Variants in TET2 observed in about 807,000 individuals in gnomAD.
TET2 encodes tet methylcytosine dioxygenase 2.
A neutral mutation model predicts 142.9 loss-of-function variants in TET2; 299 were observed. That is an observed-to-expected ratio of 2.09 (90% CI 1.90 to 2.30). The LOEUF is 2.30. Ranked by LOEUF, TET2 falls within the 30% of genes most tolerant of loss-of-function variation. The pLI is 0.00. For missense variants in TET2, 2,418 were observed against 2,378.0 expected, an observed-to-expected ratio of 1.02 and a Z score of -0.35; for synonymous variants, 819 against 849.0, an observed-to-expected ratio of 0.96 and a Z score of 0.61.
chr4:105,274,769 C>G (rs2110310165), intron 10 of TET2, among the ~76,000 whole-genome samples: 1 of 152,138 alleles, frequency 6.6e-6, no homozygotes, highest in Non-Finnish European at 1.5e-5. Flanking sequence ...CAAGCAGAGG[C>G]ATGTTCAGAA....
At chr4:105,210,311 A>G (rs1306395997) in intron 2 of TET2, among the ~76,000 whole-genome samples, 2 of 152,140 alleles carry the variant, frequency 1.3e-5, no homozygotes, top group Non-Finnish European at 2.9e-5. Flanking sequence ...CTTCCTGGCC[A>G]TCTCTTGGGT....
chr4:105,145,913 G>C (rs776741323), upstream of TET2: 6 of 152,138 alleles, frequency 3.9e-5, no homozygotes, highest in African/African-American at 1.4e-4. Flanking sequence ...AACAGAACTC[G>C]GTCAATTTCC....
rs771632437 is a variant in TET2, at chr4:105,234,143, G to A, written c.201G>A (p.Lys67=). The change falls in exon 3 of 11, where the codon AAG becomes AAA. Residue 67 remains lysine, a synonymous_variant. Coordinates refer to ENST00000380013, the MANE Select transcript of TET2 (RefSeq NM_001127208.3). ...FKSYYGIPCM[K]GSQNSRVSPD... Reference sequence around the variant, plus strand: ...GTTATTATGGAATACCCTGTATGAAGGGAAGCCAGAATAGTCGTGTGAGTC... The same window carrying A: ...GTTATTATGGAATACCCTGTATGAAAGGAAGCCAGAATAGTCGTGTGAGTC... The A allele has an allele frequency of 1.9e-6, 3 of 1,614,186 alleles. No homozygotes were observed. The Admixed American group carries it at 5.0e-5, about 27-fold the overall frequency.
At chr4:105,149,433 T>C (rs1723195437) in intron 1 of TET2, among the ~76,000 whole-genome samples, 1 of 152,214 alleles carries the variant, frequency 6.6e-6, no homozygotes, top group Non-Finnish European at 1.5e-5. Context: ...GGAAGAGATG[T>C]GTATGTTAGT....
Position 105,269,676 on chromosome 4 carries a change from G to A in TET2, c.4111G>A (p.Val1371Ile), listed in dbSNP as rs2110300673. ...GLKEGRPFSG[V>I]TACLDFCAHA... ...GAAGGAAGGCCGTCCATTCTCAGGG[G>A]TCACTGCATGTTTGGACTTCTGTGC... The change falls in exon 9 of 11, where the codon GTC becomes ATC. Residue 1371 changes from valine (V) to isoleucine (I), a missense_variant. By Grantham distance (29) the Val-to-Ile change is conservative (BLOSUM62 3). Coordinates refer to ENST00000380013, the MANE Select transcript of TET2 (RefSeq NM_001127208.3). 1 of 1,551,602 alleles carries A rather than the reference G, an allele frequency of 6.4e-7. No homozygotes were observed. Among genetic ancestry groups the A allele is most frequent in the Non-Finnish European group, 8.7e-7 (1 of 1,146,942 alleles).
intron 2 of TET2, among the ~76,000 whole-genome samples, chr4:105,221,736 T>C (rs1316855520): frequency 6.6e-6 from 1 of 152,038 alleles, no homozygotes; most frequent in Non-Finnish European, 1.5e-5. Context: ...TATTATACTT[T>C]AAGTTTTAGG....
intron 1 of TET2, among the ~76,000 whole-genome samples, chr4:105,189,718 G>T (rs182552302): frequency 1.3e-5 from 2 of 152,222 alleles, no homozygotes; most frequent in East Asian, 1.9e-4. Context: ...TTTAAAGTAG[G>T]TATCTTATTA....
intron 1 of TET2, among the ~76,000 whole-genome samples, chr4:105,166,704 A>G (rs1462307025): frequency 6.6e-6 from 1 of 152,078 alleles, no homozygotes; most frequent in African/African-American, 2.4e-5. Flanking sequence ...TAGTACATTC[A>G]TAAATTATTG....
chr4:105,226,715 A>G (rs1361980040), intron 2 of TET2, among the ~76,000 whole-genome samples: 5 of 151,004 alleles, frequency 3.3e-5, no homozygotes, highest in South Asian at 2.1e-4. Flanking sequence ...GCTTTCTGCC[A>G]TGATTATAAG....
intron 1 of TET2, among the ~76,000 whole-genome samples, chr4:105,187,100 A>G (rs947390686): frequency 6.6e-6 from 1 of 152,196 alleles, no homozygotes; most frequent in African/African-American, 2.4e-5. Context: ...ATCTTGTGCC[A>G]GCTCAGAGAG....
At chr4:105,221,399 C>T (rs1338772025) in intron 2 of TET2, among the ~76,000 whole-genome samples, 4 of 152,090 alleles carry the variant, frequency 2.6e-5, no homozygotes, top group Admixed American at 2.6e-4. Context: ...GTTAATCTGC[C>T]TCTCATCTTC....
Position 105,277,809 on chromosome 4 carries a change from AGCTAGTTCACTGAAGCCTAT to A in TET2, c.*1295_*1314del. On this transcript the variant is annotated 3_prime_UTR_variant, in exon 11 of 11. Transcript: ENST00000380013. Reference sequence around the variant, plus strand: ...TAGCTGCATGCTGCAGACTCAACAAAGCTAGTTCACTGAAGCCTATGCTATTTTATGGATCATAGGCTCTT... The same window carrying A: ...TAGCTGCATGCTGCAGACTCAACAAAGCTATTTTATGGATCATAGGCTCTT... The A allele has an allele frequency of 4.4e-6, 1 of 226,860 alleles. No homozygotes were observed. The highest frequency in any genetic ancestry group is 2.2e-5 in the African/African-American group (1 of 45,090). The allele number at this position is 226,860 out of a possible 1,614,324, so 14.1% of individuals were successfully genotyped here.
chr4:105,182,085 C>T (rs1471806377), intron 1 of TET2, among the ~76,000 whole-genome samples: 2 of 151,792 alleles, frequency 1.3e-5, no homozygotes, highest in African/African-American at 4.8e-5. Flanking sequence ...ATCATTTGTT[C>T]TCTGGCTACA....
chr4:105,177,782 A>G (rs1384946054), intron 1 of TET2: 3 of 152,194 alleles, frequency 2.0e-5, no homozygotes, highest in African/African-American at 7.2e-5. Flanking sequence ...CTTGGTATGG[A>G]CTTGAAAACT....
At chr4:105,267,289 CA>C (rs1165219665) in intron 8 of TET2, among the ~76,000 whole-genome samples, 2 of 151,706 alleles carry the variant, frequency 1.3e-5, no homozygotes, top group African/African-American at 4.8e-5. Context: ...GACAGAAATC[CA>C]GATCAACATA....
intron 2 of TET2, among the ~76,000 whole-genome samples, chr4:105,202,127 C>T (rs1726516467): frequency 6.6e-6 from 1 of 152,088 alleles, no homozygotes; most frequent in South Asian, 2.1e-4. Context: ...AGGTAAGACC[C>T]ATCCTCATCT....
intron 3 of TET2, chr4:105,240,796 A>T: frequency 9.3e-7 from 1 of 1,079,664 alleles, no homozygotes; most frequent in Non-Finnish European, 1.1e-6. Context: ...TCTAAAGTAC[A>T]TACTAATATG....
At chr4:105,197,063 G>C (rs776966852) in intron 2 of TET2, among the ~76,000 whole-genome samples, 2 of 152,182 alleles carry the variant, frequency 1.3e-5, no homozygotes, top group Middle Eastern at 6.8e-3. Context: ...ACATTATATC[G>C]GAGCTTGAAC....
rs587778706 is a variant in TET2 at position 105,234,841 on chromosome 4, A to G, written c.899A>G (p.Asp300Gly). The G allele has an allele frequency of 1.2e-6, 2 of 1,614,082 alleles. No homozygotes were observed. Among genetic ancestry groups the G allele is most frequent in the Non-Finnish European group, 1.7e-6 (2 of 1,180,014 alleles). ...AVVSEACDAD[D>G]ADNASKLAAM... ...GTGAGTGAGGCCTGTGATGCTGATG[A>G]TGCTGATAATGCCAGTAAACTAGCT... The change falls in exon 3 of 11, where the codon GAT becomes GGT. Residue 300 changes from aspartate to glycine, a missense_variant. Asp to Gly is a moderately conservative substitution (Grantham distance 94, BLOSUM62 -1). Coordinates refer to ENST00000380013, the MANE Select transcript of TET2 (RefSeq NM_001127208.3).
Sources: gnomAD v4.1 joint callset for allele counts (sites outside exome capture counted in the v4.1 genomes callset) on GRCh38, gnomAD v4.1.1 for gene constraint, MANE v1.5 for transcripts, NCBI Gene and HGNC (gene_info 2026-07-23, HGNC 2026-07-21) for gene names.